Variants in DLGAP2 observed in about 807,000 individuals in gnomAD.
DLGAP2 encodes DLG associated protein 2.
A neutral mutation model predicts 100.3 loss-of-function variants in DLGAP2; 26 were observed. The ratio of observed to expected loss-of-function variants is 0.26; its 90% confidence interval spans 0.19 to 0.36. The LOEUF (loss-of-function observed/expected upper bound fraction) is 0.36. DLGAP2 is among the 10% of genes least tolerant of loss of function. The probability of loss-of-function intolerance (pLI) is 1.00; values close to 1 mark genes in which losing one functional copy is unlikely to be tolerated. For missense variants in DLGAP2, 1,858 were observed against 1,453.2 expected, an observed-to-expected ratio of 1.28 and a Z score of -4.53; for synonymous variants, 886 against 630.1, an observed-to-expected ratio of 1.41 and a Z score of -6.08.
chr8:1,139,897 G>A (rs1342400285), intron 2 of DLGAP2, among the ~76,000 whole-genome samples: 1 of 152,152 alleles, frequency 6.6e-6, no homozygotes, highest in Non-Finnish European at 1.5e-5. Flanking sequence ...AAATCGGGGG[G>A]AAGTGAGGGG....
Position 1,424,582 on chromosome 8 carries a change from C to T in DLGAP2, c.107-76784C>T, listed in dbSNP as rs148217496. On this transcript the variant is annotated intron_variant, in intron 3 of 14. Coordinates refer to ENST00000637795, the MANE Select transcript of DLGAP2 (RefSeq NM_001346810.2). Reference sequence around the variant, plus strand: ...ATAAGCCATCACAAAAGGACAAGGACGGTGTGATTACCCTAACATGTGGCA... The same window carrying T: ...ATAAGCCATCACAAAAGGACAAGGATGGTGTGATTACCCTAACATGTGGCA... Among the ~76,000 whole-genome samples, 221 of 152,304 alleles carry T rather than the reference C, an allele frequency of 1.5e-3. 2 individuals carry two copies. The highest frequency in any genetic ancestry group is 4.9e-3 in the African/African-American group (204 of 41,566).
intron 3 of DLGAP2, among the ~76,000 whole-genome samples, chr8:1,390,149 A>C (rs1796316823): frequency 1.3e-5 from 2 of 151,774 alleles, no homozygotes; most frequent in South Asian, 4.2e-4. Context: ...TCAGTAACTA[A>C]ATCGAGGCAC....
intron 1 of DLGAP2, among the ~76,000 whole-genome samples, chr8:833,717 G>T (rs1396975736): frequency 6.6e-6 from 1 of 152,094 alleles, no homozygotes; most frequent in South Asian, 2.1e-4. Flanking sequence ...CTTCTTTGGG[G>T]GTCATTATTC....
At chr8:849,068 C>G (rs936025334) in intron 1 of DLGAP2, among the ~76,000 whole-genome samples, 1 of 151,688 alleles carries the variant, frequency 6.6e-6, no homozygotes, top group Non-Finnish European at 1.5e-5. Context: ...CGTGTCTGTT[C>G]CAGTATAGAA....
At chr8:1,277,781 G>A (rs1300669738) in intron 3 of DLGAP2, among the ~76,000 whole-genome samples, 1 of 152,132 alleles carries the variant, frequency 6.6e-6, no homozygotes, top group Non-Finnish European at 1.5e-5. Flanking sequence ...GGCTTGCTCT[G>A]AAACCTCACC....
chr8:819,038 T>C (rs1199082997), intron 1 of DLGAP2, among the ~76,000 whole-genome samples: 1 of 152,232 alleles, frequency 6.6e-6, no homozygotes, highest in Non-Finnish European at 1.5e-5. Flanking sequence ...TTTTATGTTA[T>C]CTCAGACTAA....
intron 3 of DLGAP2, chr8:1,368,721 G>C (rs1585306305): frequency 1.3e-5 from 2 of 152,158 alleles, no homozygotes; most frequent in African/African-American, 4.8e-5. Context: ...TACCTCATTA[G>C]CTGGTGATCT....
At chr8:1,121,953 GGTATTGAGT>G (rs1399528522) in intron 2 of DLGAP2, among the ~76,000 whole-genome samples, 1 of 152,160 alleles carries the variant, frequency 6.6e-6, no homozygotes, top group Non-Finnish European at 1.5e-5. Flanking sequence ...GACCCTCCTA[GGTATTGAGT>G]GCTTCTTTCT....
chr8:1,594,344 G>T lies in DLGAP2; in HGVS notation c.1442+28450G>T, dbSNP rs540956630. ...ATATGAAGATGCCCCCTAAGGTCAA[G>T]AGAACAATGAAGGAACAAAATGAGA... is the stretch of plus-strand genomic sequence containing the variant. On this transcript the variant is annotated intron_variant, in intron 6 of 14. Transcript: ENST00000637795. Among the ~76,000 whole-genome samples the T allele has an allele frequency of 7.9e-5, 12 of 152,224 alleles. No individual in the cohort carries two copies. The South Asian group carries it at 2.5e-3, about 32-fold the overall frequency.
chr8:1,464,282 ACAACGCCCTTCCAGG>A (rs1798550534), intron 3 of DLGAP2, among the ~76,000 whole-genome samples: 2 of 109,048 alleles, frequency 1.8e-5, no homozygotes, highest in Admixed American at 9.1e-5. Context: ...CCCTTCCAGG[ACAACGCCCTTCCAGG>A]ATGGCACCCT....
Position 1,443,945 on chromosome 8 carries a change from C to G in DLGAP2, c.107-57421C>G, listed in dbSNP as rs143505977. ...TTGATTAAAAGCAATAACTTTAGCTCTATAACAAGACAGAGCTGTGACTTA... is the reference window on the plus strand; with the variant it reads ...TTGATTAAAAGCAATAACTTTAGCTGTATAACAAGACAGAGCTGTGACTTA... On this transcript the variant is annotated intron_variant, in intron 3 of 14. Transcript: ENST00000637795. 3.1e-4 allele frequency among the ~76,000 whole-genome samples: 47 copies of G among 152,298 alleles called. No homozygotes were observed. The East Asian group carries it at 9.1e-3, about 29-fold the overall frequency.
intron 3 of DLGAP2, among the ~76,000 whole-genome samples, chr8:1,313,071 G>T (rs1356211137): frequency 6.6e-6 from 1 of 152,222 alleles, no homozygotes; most frequent in African/African-American, 2.4e-5. Context: ...TGTGCTGACT[G>T]GTGTGTGCCG....
intron 8 of DLGAP2, among the ~76,000 whole-genome samples, chr8:1,658,557 T>C (rs1798337117): frequency 6.6e-6 from 1 of 152,216 alleles, no homozygotes; most frequent in Non-Finnish European, 1.5e-5. Context: ...CACTTATTCC[T>C]GTGTTAGTCA....
chr8:1,572,669 C>A (rs1203544573), intron 6 of DLGAP2, among the ~76,000 whole-genome samples: 2 of 73,448 alleles, frequency 2.7e-5, no homozygotes, highest in South Asian at 5.9e-4. Flanking sequence ...GGGGCATCTT[C>A]TGGGATGGAG....
chr8:1,251,702 C>T (rs1469377947), intron 2 of DLGAP2, among the ~76,000 whole-genome samples: 3 of 152,200 alleles, frequency 2.0e-5, no homozygotes, highest in South Asian at 2.1e-4. Context: ...GGAGTCAGGT[C>T]ATCATGTCAT....
At chr8:882,077 C>T (rs1442771260) in intron 1 of DLGAP2, among the ~76,000 whole-genome samples, 2 of 152,180 alleles carry the variant, frequency 1.3e-5, no homozygotes, top group East Asian at 1.9e-4. Flanking sequence ...ATGATATCAC[C>T]CAGTCCAGAG....
At chr8:846,736 A>T (rs926086029) in intron 1 of DLGAP2, among the ~76,000 whole-genome samples, 1 of 152,150 alleles carries the variant, frequency 6.6e-6, no homozygotes, top group East Asian at 1.9e-4. Context: ...CACCAGCAGC[A>T]CTAGTGTTTT....
chr8:1,592,125 A>G (rs1034076480), intron 6 of DLGAP2, among the ~76,000 whole-genome samples: 1 of 152,158 alleles, frequency 6.6e-6, no homozygotes, highest in Non-Finnish European at 1.5e-5. Context: ...GGTGCAGAGC[A>G]AGGTGCCCCA....
chr8:1,324,751 G>A (rs970815783), intron 3 of DLGAP2, among the ~76,000 whole-genome samples: 1 of 152,158 alleles, frequency 6.6e-6, no homozygotes, highest in African/African-American at 2.4e-5. Context: ...GGGCAGGCAC[G>A]ACTTCCATGT....
Sources: gnomAD v4.1 joint callset for allele counts (sites outside exome capture counted in the v4.1 genomes callset) on GRCh38, gnomAD v4.1.1 for gene constraint, MANE v1.5 for transcripts, NCBI Gene and HGNC (gene_info 2026-07-23, HGNC 2026-07-21) for gene names.